Variants in CAMKMT observed in about 807,000 individuals in gnomAD.
CAMKMT encodes calmodulin-lysine N-methyltransferase.
A neutral mutation model predicts 48.0 loss-of-function variants in CAMKMT; 53 were observed. The ratio of observed to expected loss-of-function variants is 1.10; its 90% CI spans 0.89 to 1.39. The LOEUF (loss-of-function observed/expected upper bound fraction) is 1.39, where lower values mean the gene tolerates loss of function less well. Ranked by LOEUF, CAMKMT falls within the 40% of genes most tolerant of loss-of-function variation. CAMKMT has a pLI of 0.00. For synonymous variants in CAMKMT, 165 were observed against 152.3 expected (o/e 1.08, Z -0.61); for missense variants, 428 against 402.7 (o/e 1.06, Z -0.54).
At chr2:44,514,862 A>G (rs567227770) in intron 3 of CAMKMT, among the ~76,000 whole-genome samples, 1 of 152,360 alleles carries the variant, frequency 6.6e-6, no homozygotes, top group East Asian at 1.9e-4. Flanking sequence ...AGATAAGTAT[A>G]TATAAAAGGA....
At chr2:44,723,304 A>G (rs1053773479) in intron 7 of CAMKMT, among the ~76,000 whole-genome samples, 1 of 151,972 alleles carries the variant, frequency 6.6e-6, no homozygotes, top group Non-Finnish European at 1.5e-5. Flanking sequence ...AATTGTTCAA[A>G]TTTTCTTGCC....
chr2:44,735,282 AG>A (rs1679295578), intron 7 of CAMKMT, among the ~76,000 whole-genome samples: 1 of 152,164 alleles, frequency 6.6e-6, no homozygotes, highest in African/African-American at 2.4e-5. Flanking sequence ...ACTTCGGTCT[AG>A]CTGTTTTGTC....
intron 7 of CAMKMT, among the ~76,000 whole-genome samples, chr2:44,727,060 G>A (rs372689706): frequency 6.6e-6 from 1 of 152,022 alleles, no homozygotes; most frequent in Non-Finnish European, 1.5e-5. Flanking sequence ...TGGTGCCTCT[G>A]GCTTTGTTCT....
At chr2:44,576,064 C>A (rs185675152) in intron 3 of CAMKMT, among the ~76,000 whole-genome samples, 1 of 151,830 alleles carries the variant, frequency 6.6e-6, no homozygotes, top group East Asian at 1.9e-4. Flanking sequence ...CAGTGGCTCA[C>A]GCCTGCAATC....
At chr2:44,682,442 G>A (rs898516776) in intron 3 of CAMKMT, among the ~76,000 whole-genome samples, 12 of 152,206 alleles carry the variant, frequency 7.9e-5, no homozygotes, top group Non-Finnish European at 1.5e-5. Context: ...TAGAAGAGGT[G>A]TAAGCAATTT....
At chr2:44,718,092 A>C (rs1049364495) in intron 7 of CAMKMT, among the ~76,000 whole-genome samples, 12 of 152,192 alleles carry the variant, frequency 7.9e-5, no homozygotes, top group Non-Finnish European at 1.5e-4. Context: ...ATGTGAACAC[A>C]TTACTAGGGC....
chr2:44,547,946 G>A (rs1015148678), intron 3 of CAMKMT, among the ~76,000 whole-genome samples: 3 of 152,098 alleles, frequency 2.0e-5, no homozygotes, highest in African/African-American at 7.2e-5. Flanking sequence ...TCTCTCATTG[G>A]CTGCTTGCCC....
chr2:44,684,211 G>A (rs1172918710), intron 3 of CAMKMT, among the ~76,000 whole-genome samples: 2 of 152,196 alleles, frequency 1.3e-5, no homozygotes, highest in East Asian at 1.9e-4. Flanking sequence ...CATAGAGACC[G>A]TGATGACTTC....
chr2:44,733,986 A>G lies in CAMKMT; in HGVS notation c.624-9636A>G, dbSNP rs79481004. 5.9e-3 allele frequency among the ~76,000 whole-genome samples: 891 copies of G among 152,096 alleles called. 7 individuals are homozygous for G. Among genetic ancestry groups the G allele is most frequent in the African/African-American group, 0.02 (848 of 41,510 alleles). On this transcript the variant is annotated intron_variant, in intron 7 of 10. Coordinates refer to ENST00000378494, the MANE Select transcript of CAMKMT (RefSeq NM_024766.5). ...TCCTGATAAGTCAGGCTAGAGGTTT[A>G]TCAATTTTATTGATCTCAAAGAATC...
chr2:44,407,877 C>T (rs1290610331), intron 3 of CAMKMT, among the ~76,000 whole-genome samples: 1 of 152,164 alleles, frequency 6.6e-6, no homozygotes, highest in African/African-American at 2.4e-5. Flanking sequence ...TCTTGCTGCA[C>T]TTTACTAAAA....
intron 2 of CAMKMT, among the ~76,000 whole-genome samples, chr2:44,377,625 T>G (rs1200304305): frequency 6.6e-6 from 1 of 152,182 alleles, no homozygotes; most frequent in Non-Finnish European, 1.5e-5. Context: ...ATACGTGTCT[T>G]AGGTATAGAG....
chr2:44,603,041 CACACACACACACATATATAGAT>C (rs1437797338), intron 3 of CAMKMT, among the ~76,000 whole-genome samples: 3 of 150,954 alleles, frequency 2.0e-5, no homozygotes. Context: ...CCTATATATA[CACACACACACACATATATAGAT>C]ACACACACAT....
chr2:44,500,935 G>T (rs1304431716), intron 3 of CAMKMT, among the ~76,000 whole-genome samples: 4 of 151,686 alleles, frequency 2.6e-5, no homozygotes, highest in Non-Finnish European at 5.9e-5. Flanking sequence ...TCCCACTTTG[G>T]CCTCCCAAAT....
chr2:44,736,593 A>G (rs1193740048), intron 7 of CAMKMT, among the ~76,000 whole-genome samples: 1 of 152,134 alleles, frequency 6.6e-6, no homozygotes, highest in East Asian at 1.9e-4. Context: ...ATTTCTTCAA[A>G]TATTTTTTCT....
chr2:44,456,264 A>T (rs1031933592), intron 3 of CAMKMT, among the ~76,000 whole-genome samples: 1 of 152,348 alleles, frequency 6.6e-6, no homozygotes, highest in East Asian at 1.9e-4. Flanking sequence ...GAATTACAAC[A>T]AAAGAGTTAC....
At chr2:44,607,006 T>A (rs1671324682) in intron 3 of CAMKMT, among the ~76,000 whole-genome samples, 1 of 152,206 alleles carries the variant, frequency 6.6e-6, no homozygotes, top group African/African-American at 2.4e-5. Flanking sequence ...ATAATCAACA[T>A]TGTGATTTGT....
At chr2:44,650,548 A>G (rs548773577) in intron 3 of CAMKMT, among the ~76,000 whole-genome samples, 270 of 152,332 alleles carry the variant, frequency 1.8e-3, no homozygotes, top group African/African-American at 6.2e-3. Context: ...TTAGTAATGA[A>G]CTTTTAAAAG....
At chr2:44,716,926 T>C (rs1191705176) in intron 7 of CAMKMT, among the ~76,000 whole-genome samples, 10 of 152,182 alleles carry the variant, frequency 6.6e-5, no homozygotes, top group Admixed American at 6.6e-4. Context: ...GTTTACTGGG[T>C]GTTAATAATC....
chr2:44,555,073 G>T (rs1667936140), intron 3 of CAMKMT, among the ~76,000 whole-genome samples: 3 of 152,258 alleles, frequency 2.0e-5, no homozygotes, highest in African/African-American at 7.2e-5. Context: ...GTTGAAAAGG[G>T]TGGAAAGGGG....
Sources: gnomAD v4.1 joint callset for allele counts (sites outside exome capture counted in the v4.1 genomes callset) on GRCh38, gnomAD v4.1.1 for gene constraint, MANE v1.5 for transcripts, NCBI Gene and HGNC (gene_info 2026-07-23, HGNC 2026-07-21) for gene names.